The following NPFFR1 variants were observed in gnomAD, a reference collection of about 807,000 sequenced individuals.
NPFFR1 encodes the protein neuropeptide FF receptor 1.
In NPFFR1, 17 loss-of-function variants were observed where a neutral mutation model predicts 12.7. That is an observed-to-expected ratio of 1.34 (90% CI 0.92 to 2.01). NPFFR1 has a LOEUF of 2.01. NPFFR1 is among the 30% of genes most tolerant of loss of function. NPFFR1 has a pLI of 0.00. For synonymous variants in NPFFR1, 296 were observed against 264.5 expected (o/e 1.12, Z -1.16); for missense variants, 604 against 606.5 (o/e 1.00, Z 0.04).
At chr10:70,261,662 A>G (rs1185429129) in intron 2 of NPFFR1, among the ~76,000 whole-genome samples, 1 of 152,196 alleles carries the variant, frequency 6.6e-6, no homozygotes, top group African/African-American at 2.4e-5. Context: ...GGTTCTCGAC[A>G]CTGGCTGCTC....
At chr10:70,274,679 C>T (rs969626651) in intron 1 of NPFFR1, among the ~76,000 whole-genome samples, 5 of 152,192 alleles carry the variant, frequency 3.3e-5, no homozygotes, top group African/African-American at 9.7e-5. Context: ...CCTTGGCTTT[C>T]GAATGTGGAT....
intron 3 of NPFFR1, among the ~76,000 whole-genome samples, chr10:70,256,322 T>C (rs1840572513): frequency 2.6e-5 from 4 of 152,208 alleles, no homozygotes; most frequent in Admixed American, 2.6e-4. Context: ...GCTCAAGCTA[T>C]CCTCCGGCCT....
chr10:70,272,692 G>C (rs1840763009), intron 1 of NPFFR1, among the ~76,000 whole-genome samples: 1 of 152,214 alleles, frequency 6.6e-6, no homozygotes, highest in African/African-American at 2.4e-5. Context: ...CCAGAGCATG[G>C]ATGTGCCCTG....
intron 1 of NPFFR1, among the ~76,000 whole-genome samples, chr10:70,274,329 A>G (rs574213364): frequency 6.6e-6 from 1 of 152,178 alleles, no homozygotes; most frequent in African/African-American, 2.4e-5. Context: ...CATGCCTGTA[A>G]TCCCAGCCAC....
At chr10:70,280,281 A>G (rs1020303667) in intron 1 of NPFFR1, among the ~76,000 whole-genome samples, 1 of 152,152 alleles carries the variant, frequency 6.6e-6, no homozygotes, top group Non-Finnish European at 1.5e-5. Context: ...TTCCGTTTTT[A>G]GCTTTTTGAG....
rs1353415013 is a variant in NPFFR1 at position 70,247,856 on chromosome 10, C to T, written c.*7101G>A. ...TCAGCAGCTTTTGCTCCTTCAGTGA[C>T]CACAGTGCAGGGGAGCCCGTGGCTG... On this transcript the variant is annotated 3_prime_UTR_variant, in exon 4 of 4. Coordinates refer to ENST00000277942, the MANE Select transcript of NPFFR1 (RefSeq NM_022146.5). 6.6e-6 allele frequency: 1 copy of T among 152,182 alleles called. No individual in the cohort carries two copies. The highest frequency in any genetic ancestry group is 1.5e-5 in the Non-Finnish European group (1 of 68,044). The allele number at this position is 152,182 out of a possible 1,614,324, so 9.4% of individuals were successfully genotyped here.
At chr10:70,272,001 C>G (rs1840748017) in intron 1 of NPFFR1, among the ~76,000 whole-genome samples, 1 of 151,624 alleles carries the variant, frequency 6.6e-6, no homozygotes, top group African/African-American at 2.4e-5. Context: ...CCTGTAGTCC[C>G]AACTACTCAG....
chr10:70,283,778 G>C lies in NPFFR1; in HGVS notation c.-102C>G. The C allele has an allele frequency of 7.4e-7, 1 of 1,345,180 alleles. No individual in the cohort carries two copies. Among genetic ancestry groups the C allele is most frequent in the East Asian group, 2.5e-5 (1 of 39,930 alleles). The allele number at this position is 1,345,180 out of a possible 1,614,324, so 83.3% of individuals were successfully genotyped here. ...ACGGTCTCCGGGCACTTGGTTGCGG[G>C]CTGCGCCCCTGCCTCCGCGCTCCGC... On this transcript the variant is annotated 5_prime_UTR_variant, in exon 1 of 4. Coordinates refer to ENST00000277942, the MANE Select transcript of NPFFR1 (RefSeq NM_022146.5).
chr10:70,263,423 C>T (rs551538531), intron 2 of NPFFR1, among the ~76,000 whole-genome samples: 3 of 152,212 alleles, frequency 2.0e-5, no homozygotes, highest in Admixed American at 2.0e-4. Context: ...CAGGCACCCA[C>T]GACCACGCCC....
chr10:70,272,080 G>A (rs1229973465), intron 1 of NPFFR1, among the ~76,000 whole-genome samples: 7 of 151,030 alleles, frequency 4.6e-5, no homozygotes, highest in East Asian at 1.9e-4. Flanking sequence ...TCGTGCCACC[G>A]CATGCCAGCC....
In NPFFR1 at chr10:70,254,960, G is replaced by T. The variant is rs528171338; in HGVS notation, c.1290C>A (p.Ile430=). ...GTCCCGCCCTCCCTGGACCCCCTCA[G>T]ATATCCCAGGCTGGAATGGTGAGGG... ...HLPLTIPAWD[I] Residue 430 remains isoleucine, a synonymous_variant, in exon 4 of 4, where the codon ATC becomes ATA. Transcript: ENST00000277942. 31 of 1,428,450 alleles carry T rather than the reference G, an allele frequency of 2.2e-5. No homozygotes were observed. Among genetic ancestry groups the T allele is most frequent in the Non-Finnish European group, 2.7e-5 (30 of 1,097,866 alleles). The allele number at this position is 1,428,450 out of a possible 1,614,324, so 88.5% of individuals were successfully genotyped here. A position where few individuals can be genotyped will look rare whatever the true frequency, so the allele number is the denominator to read the frequency against.
At chr10:70,262,424 C>T (rs767976815) in intron 2 of NPFFR1, among the ~76,000 whole-genome samples, 1 of 152,128 alleles carries the variant, frequency 6.6e-6, no homozygotes, top group Non-Finnish European at 1.5e-5. Context: ...GCAAAAAGAA[C>T]TGTATACAAA....
rs777078873 is a variant in NPFFR1, at chr10:70,266,392, C to G, written c.8-1G>C. On this transcript the variant is annotated splice_acceptor_variant, in intron 1 of 3. Coordinates refer to ENST00000277942, the MANE Select transcript of NPFFR1 (RefSeq NM_022146.5). LOFTEE classifies it high-confidence loss of function. ...CTGTTGGGAGGCTGGGAGGGCTCCC[C>G]TAGGACCAAAGGAATATATTGGTCA... The G allele has an allele frequency of 1.9e-6, 3 of 1,609,104 alleles. No homozygotes were observed. The highest frequency in any genetic ancestry group is 2.7e-5 in the African/African-American group (2 of 74,806).
chr10:70,258,539 C>T (rs1840600521), intron 3 of NPFFR1, among the ~76,000 whole-genome samples: 1 of 152,214 alleles, frequency 6.6e-6, no homozygotes, highest in South Asian at 2.1e-4. Context: ...GCCTTAGTTT[C>T]CTCATCTGTA....
intron 1 of NPFFR1, among the ~76,000 whole-genome samples, chr10:70,270,375 C>T (rs1564596254): frequency 6.6e-6 from 1 of 152,160 alleles, no homozygotes; most frequent in Non-Finnish European, 1.5e-5. Flanking sequence ...CTTACCCCTG[C>T]CGAGCCTCAA....
intron 3 of NPFFR1, among the ~76,000 whole-genome samples, chr10:70,259,427 T>C (rs1840611865): frequency 6.6e-6 from 1 of 152,174 alleles, no homozygotes; most frequent in African/African-American, 2.4e-5. Context: ...GCAGGCTTCC[T>C]GGATGAGGTG....
intron 1 of NPFFR1, among the ~76,000 whole-genome samples, chr10:70,278,741 A>G (rs1453166412): frequency 1.3e-5 from 2 of 152,168 alleles, no homozygotes; most frequent in East Asian, 3.9e-4. Flanking sequence ...TCCTCTCAGA[A>G]ACCCATTCTG....
At chr10:70,281,190 C>T (rs1840858324) in intron 1 of NPFFR1, among the ~76,000 whole-genome samples, 1 of 152,168 alleles carries the variant, frequency 6.6e-6, no homozygotes, top group Admixed American at 6.5e-5. Context: ...CAGGTCTGCA[C>T]CTGGGAGTCT....
intron 1 of NPFFR1, among the ~76,000 whole-genome samples, chr10:70,276,278 C>T (rs1840803558): frequency 6.6e-6 from 1 of 152,100 alleles, no homozygotes; most frequent in Non-Finnish European, 1.5e-5. Context: ...GACACCTAAC[C>T]CCTTTGAGAT....
Sources: allele counts gnomAD v4.1 joint callset (sites outside exome capture counted in the v4.1 genomes callset), GRCh38; gene constraint gnomAD v4.1.1; transcripts MANE v1.5; gene names NCBI Gene and HGNC (gene_info 2026-07-23, HGNC 2026-07-21).